The following SPATA17 variants were observed in gnomAD, a reference collection of about 807,000 sequenced individuals.
The protein encoded by SPATA17 is spermatogenesis associated 17.
In SPATA17, 53 loss-of-function variants were observed where a neutral mutation model predicts 62.2. The observed-to-expected ratio is 0.85, with a 90% CI of 0.68 to 1.07. The LOEUF is 1.07. SPATA17 is among the 50% of genes least tolerant of loss of function. The probability of loss-of-function intolerance (pLI) is 0.00; values close to 1 mark genes in which losing one functional copy is unlikely to be tolerated. For synonymous variants in SPATA17, 146 were observed against 146.8 expected, an observed-to-expected ratio of 0.99 and a Z score of 0.04; for missense variants, 466 against 425.5, an observed-to-expected ratio of 1.10 and a Z score of -0.84.
At chr1:217,815,300 A>T (rs1205369588) in intron 9 of SPATA17, among the ~76,000 whole-genome samples, 3 of 152,172 alleles carry the variant, frequency 2.0e-5, no homozygotes, top group Non-Finnish European at 4.4e-5. Flanking sequence ...TTGAAACATA[A>T]CATGAACACA....
chr1:217,701,584 G>A (rs901365858), intron 5 of SPATA17, among the ~76,000 whole-genome samples: 13 of 149,290 alleles, frequency 8.7e-5, no homozygotes, highest in South Asian at 6.4e-4. Flanking sequence ...ACGGGGTTTC[G>A]CCATGTTGGA....
chr1:217,859,828 C>T (rs1197974465), intron 9 of SPATA17, among the ~76,000 whole-genome samples: 1 of 152,038 alleles, frequency 6.6e-6, no homozygotes, highest in Admixed American at 6.6e-5. Context: ...TTTATCAATT[C>T]TGTTGATGAT....
At chr1:217,768,059 A>C (rs1673346553) in intron 6 of SPATA17, among the ~76,000 whole-genome samples, 2 of 152,118 alleles carry the variant, frequency 1.3e-5, no homozygotes, top group African/African-American at 4.8e-5. Flanking sequence ...ATCTTGACCA[A>C]CATGGTGAAA....
At chr1:217,661,886 A>G (rs917710914) in intron 3 of SPATA17, among the ~76,000 whole-genome samples, 7 of 152,090 alleles carry the variant, frequency 4.6e-5, no homozygotes, top group African/African-American at 1.7e-4. Context: ...AAATAGTCCT[A>G]CTATTTGGGG....
intron 1 of SPATA17, among the ~76,000 whole-genome samples, chr1:217,644,341 T>G (rs1670133704): frequency 6.6e-6 from 1 of 152,190 alleles, no homozygotes; most frequent in Admixed American, 6.6e-5. Flanking sequence ...AAGTATACTA[T>G]AGTTTCTGCC....
At chr1:217,806,795 ATCTTAATCACCT>A (rs1242072337) in intron 9 of SPATA17, among the ~76,000 whole-genome samples, 1 of 152,156 alleles carries the variant, frequency 6.6e-6, no homozygotes, top group Non-Finnish European at 1.5e-5. Flanking sequence ...ACATCATTTA[ATCTTAATCACCT>A]TCTTAAAAGC....
intron 9 of SPATA17, among the ~76,000 whole-genome samples, chr1:217,824,384 G>T (rs946253978): frequency 3.3e-5 from 5 of 151,464 alleles, no homozygotes; most frequent in African/African-American, 9.7e-5. Context: ...AGTCAAGTAG[G>T]TATAGAATAC....
At chr1:217,664,945 G>A (rs780150380) in intron 3 of SPATA17, among the ~76,000 whole-genome samples, 1 of 151,816 alleles carries the variant, frequency 6.6e-6, no homozygotes, top group African/African-American at 2.4e-5. Flanking sequence ...GGAATGGTAA[G>A]ACATTTCAGA....
chr1:217,760,978 T>C (rs1673159862), intron 6 of SPATA17, among the ~76,000 whole-genome samples: 1 of 152,196 alleles, frequency 6.6e-6, no homozygotes. Flanking sequence ...TCATTGTTAG[T>C]ATGCCTAATA....
intron 8 of SPATA17, among the ~76,000 whole-genome samples, chr1:217,797,040 T>C (rs1674166844): frequency 6.6e-6 from 1 of 152,148 alleles, no homozygotes; most frequent in African/African-American, 2.4e-5. Context: ...CTTACTACAA[T>C]TGTAAAACAT....
intron 8 of SPATA17, among the ~76,000 whole-genome samples, chr1:217,795,894 C>A (rs1674141754): frequency 6.6e-6 from 1 of 152,078 alleles, no homozygotes; most frequent in Non-Finnish European, 1.5e-5. Flanking sequence ...GACCTCCAGG[C>A]TCAGGTGATC....
At chr1:217,706,366 T>G (rs2102923174) in intron 5 of SPATA17, among the ~76,000 whole-genome samples, 1 of 152,322 alleles carries the variant, frequency 6.6e-6, no homozygotes, top group South Asian at 2.1e-4. Flanking sequence ...CACCCAAATC[T>G]TATCTCAAAT....
intron 4 of SPATA17, among the ~76,000 whole-genome samples, chr1:217,678,250 C>A (rs1182556698): frequency 6.3e-5 from 9 of 142,858 alleles, no homozygotes; most frequent in African/African-American, 2.1e-4. Flanking sequence ...GCTCTGTTAC[C>A]CAGGCTGGAG....
chr1:217,799,070 CT>C (rs2102986429), intron 8 of SPATA17, among the ~76,000 whole-genome samples: 1 of 151,916 alleles, frequency 6.6e-6, no homozygotes, highest in South Asian at 2.1e-4. Context: ...GCTATTTATA[CT>C]TTATAGAGCA....
chr1:217,831,367 A>G (rs184515704), intron 9 of SPATA17, among the ~76,000 whole-genome samples: 208 of 152,218 alleles, frequency 1.4e-3, no homozygotes, highest in Middle Eastern at 6.8e-3. Context: ...CACTCTTAAT[A>G]TGCTCAATAT....
chr1:217,691,161 G>T (rs1245146685), intron 5 of SPATA17, among the ~76,000 whole-genome samples: 1 of 149,056 alleles, frequency 6.7e-6, no homozygotes, highest in Non-Finnish European at 1.5e-5. Flanking sequence ...GTTGTTTCCT[G>T]ACTTTTTAAT....
intron 9 of SPATA17, among the ~76,000 whole-genome samples, chr1:217,803,124 C>T (rs1306373532): frequency 1.3e-5 from 2 of 152,064 alleles, no homozygotes; most frequent in Admixed American, 6.5e-5. Context: ...CTGTTAGCCA[C>T]GATGGTCTCC....
chr1:217,703,453 T>A (rs1671650705), intron 5 of SPATA17, among the ~76,000 whole-genome samples: 1 of 152,198 alleles, frequency 6.6e-6, no homozygotes, highest in East Asian at 1.9e-4. Context: ...ATTACAGGCG[T>A]GATCCACCAT....
chr1:217,831,562 A>G (rs1675142458), intron 9 of SPATA17, among the ~76,000 whole-genome samples: 1 of 152,218 alleles, frequency 6.6e-6, no homozygotes, highest in African/African-American at 2.4e-5. Context: ...TAGTATTTAA[A>G]AGATCAAATC....
Sources: allele counts gnomAD v4.1 joint callset (sites outside exome capture counted in the v4.1 genomes callset), GRCh38; gene constraint gnomAD v4.1.1; transcripts MANE v1.5; gene names NCBI Gene and HGNC (gene_info 2026-07-23, HGNC 2026-07-21).